ARHGEF7: variants seen among roughly 807,000 people sequenced by gnomAD.
ARHGEF7 encodes PAK-interacting exchange factor beta.
ARHGEF7 carries 33 observed loss-of-function variants against 109.8 expected under a neutral mutation model. That is an observed-to-expected ratio of 0.30 (90% confidence interval 0.23 to 0.40). The LOEUF is 0.40. Among genes scored for constraint, ARHGEF7 ranks in the 10% least tolerant of loss-of-function variants. The pLI is 1.00. For synonymous variants in ARHGEF7, 458 were observed against 424.6 expected (o/e 1.08, Z -0.97); for missense variants, 938 against 1,098.5 (o/e 0.85, Z 2.07).
chr13:111,302,268 G>T (rs922450095), intron 21 of ARHGEF7, among the ~76,000 whole-genome samples: 3 of 152,168 alleles, frequency 2.0e-5, no homozygotes, highest in Admixed American at 6.5e-5. Flanking sequence ...GCGAGGGAAG[G>T]TTGGGGTGTT....
chr13:111,223,520 A>G (rs1460706144), intron 5 of ARHGEF7, among the ~76,000 whole-genome samples: 1 of 152,230 alleles, frequency 6.6e-6, no homozygotes, highest in Non-Finnish European at 1.5e-5. Context: ...AATTGACCAG[A>G]TGGTCCAATT....
intron 8 of ARHGEF7, among the ~76,000 whole-genome samples, chr13:111,251,409 G>C (rs933772970): frequency 4.6e-5 from 7 of 152,170 alleles, no homozygotes; most frequent in Admixed American, 4.6e-4. Flanking sequence ...TGACTGTCAA[G>C]AGTAGTTGGA....
chr13:111,222,050 T>C (rs2153506370), intron 5 of ARHGEF7, among the ~76,000 whole-genome samples: 1 of 152,252 alleles, frequency 6.6e-6, no homozygotes, highest in African/African-American at 2.4e-5. Flanking sequence ...GCTGATTAGG[T>C]GGTGCCCAGC....
intron 8 of ARHGEF7, among the ~76,000 whole-genome samples, chr13:111,259,579 C>T (rs2153572540): frequency 6.6e-6 from 1 of 152,342 alleles, no homozygotes; most frequent in Middle Eastern, 3.4e-3. Context: ...GATACAGCTG[C>T]AGTGAGACCA....
chr13:111,201,695 G>A (rs2081228841), intron 2 of ARHGEF7, among the ~76,000 whole-genome samples: 1 of 152,098 alleles, frequency 6.6e-6, no homozygotes, highest in Non-Finnish European at 1.5e-5. Flanking sequence ...CCTTTCCCTG[G>A]TGAGGATGAG....
At chr13:111,295,142 A>C in intron 19 of ARHGEF7, 1 of 985,374 alleles carries the variant, frequency 1.0e-6, no homozygotes, top group South Asian at 4.7e-5. Flanking sequence ...TGTTTGTTTT[A>C]TATTAAAAAA....
chr13:111,243,793 G>T (rs745783765), intron 6 of ARHGEF7, 79 bp from the exon 7 acceptor site: 2 of 877,846 alleles, frequency 2.3e-6, no homozygotes, highest in South Asian at 1.7e-5. Context: ...CAATGGCGAT[G>T]AACTGTCCAA....
chr13:111,267,502 G>T (rs1367688614), intron 8 of ARHGEF7, 46 bp from the exon 9 acceptor site: 1 of 1,609,930 alleles, frequency 6.2e-7, no homozygotes, highest in African/African-American at 1.3e-5. Context: ...CAGTTGTCCT[G>T]TCTGTAAAAC....
chr13:111,281,777 T>C (rs1168664417), intron 15 of ARHGEF7, among the ~76,000 whole-genome samples: 1 of 152,198 alleles, frequency 6.6e-6, no homozygotes, highest in Non-Finnish European at 1.5e-5. Flanking sequence ...GGCCAGACCC[T>C]CCGTCTTAGT....
At position 111,205,331 on chromosome 13, in the gene ARHGEF7, A is replaced by G; in HGVS notation, c.295A>G (p.Lys99Glu). 5 of 1,602,008 alleles carry G rather than the reference A, an allele frequency of 3.1e-6. No individual in the cohort carries two copies. The highest frequency in any genetic ancestry group is 4.2e-6 in the Non-Finnish European group (5 of 1,177,332). The change falls in exon 3 of 22, where the codon AAG (lysine) becomes GAG (glutamate). Residue 99 changes from lysine (K) to glutamate (E), a missense_variant. Around this residue, in one of 4 missense-constraint regions of ARHGEF7, gnomAD observed 585 missense variants for 723.6 expected, o/e 0.81. Coordinates refer to ENST00000646102, the MANE Select transcript of ARHGEF7 (RefSeq NM_001354046.2). ...NDLYQGQNFN[K>E]VLSSLVTLNK... ...TTTGTATCAGGGGCAGAATTTTAACAAGGTCCTCAGTTCCTTAGTGACTCT... is the reference window on the plus strand; with the variant it reads ...TTTGTATCAGGGGCAGAATTTTAACGAGGTCCTCAGTTCCTTAGTGACTCT...
chr13:111,130,988 GC>G (rs1465315324), intron 1 of ARHGEF7, among the ~76,000 whole-genome samples: 4 of 152,242 alleles, frequency 2.6e-5, no homozygotes, highest in Admixed American at 2.6e-4. Context: ...GGAGAGACAG[GC>G]AGAGCCAGGC....
In ARHGEF7 at chr13:111,145,474, T is replaced by C. The variant is rs1295320151; in HGVS notation, c.166-8431T>C. 1.3e-5 allele frequency among the ~76,000 whole-genome samples: 2 copies of C among 151,464 alleles called. No individual in the cohort carries two copies. The highest frequency in any genetic ancestry group is 3.0e-5 in the Non-Finnish European group (2 of 67,736). On this transcript the variant is annotated intron_variant, in intron 1 of 21. Transcript: ENST00000646102. This position sits in a 1 kb window ranked among gnomAD's most constrained non-coding sequence, Gnocchi z 4.3. Reference sequence around the variant, plus strand: ...GGGTTTCTCCAGCCAGTGAGAGCTGTAGTTACAGGAGAGGCTGCCTGACAG... The same window carrying C: ...GGGTTTCTCCAGCCAGTGAGAGCTGCAGTTACAGGAGAGGCTGCCTGACAG...
chr13:111,174,766 G>T (rs2077960294), intron 2 of ARHGEF7, among the ~76,000 whole-genome samples: 1 of 152,166 alleles, frequency 6.6e-6, no homozygotes, highest in African/African-American at 2.4e-5. Context: ...CCATCTGTAC[G>T]CTGGGGGTCG....
At chr13:111,262,855 G>A (rs1221940299) in intron 8 of ARHGEF7, among the ~76,000 whole-genome samples, 1 of 152,224 alleles carries the variant, frequency 6.6e-6, no homozygotes, top group African/African-American at 2.4e-5. Context: ...CATCACACCT[G>A]TTAGATTATG....
intron 13 of ARHGEF7, 137 bp downstream of exon 13, chr13:111,277,810 C>T (rs565299982): frequency 3.4e-6 from 2 of 583,036 alleles, no homozygotes; most frequent in East Asian, 2.8e-5. Flanking sequence ...CAGATATGGA[C>T]GTACAGCTCC....
intron 8 of ARHGEF7, among the ~76,000 whole-genome samples, chr13:111,264,285 A>G (rs919035045): frequency 3.3e-5 from 5 of 152,256 alleles, no homozygotes; most frequent in African/African-American, 1.2e-4. Flanking sequence ...GCCTCTAGCC[A>G]CGTGGGGCTG....
intron 1 of ARHGEF7, among the ~76,000 whole-genome samples, chr13:111,133,726 T>G (rs2074908261): frequency 7.0e-6 from 1 of 143,368 alleles, no homozygotes; most frequent in Non-Finnish European, 1.5e-5. Flanking sequence ...GTTCCTGATT[T>G]CGTAGGACTG....
Position 111,294,479 on chromosome 13 carries a change from C to T in ARHGEF7, c.2311+2185C>T, listed in dbSNP as rs1452763422. On this transcript the variant is annotated intron_variant, in intron 19 of 21. Transcript: ENST00000646102. ...GATATTCTATACACCAAAGTTTTGACGGTTTACCATCATTCCATTTTGTAC... is the reference window on the plus strand; with the variant it reads ...GATATTCTATACACCAAAGTTTTGATGGTTTACCATCATTCCATTTTGTAC... 2.6e-5 allele frequency: 26 copies of T among 985,274 alleles called. 1 individual carries two copies. The highest frequency in any genetic ancestry group is 1.0e-3 in the Middle Eastern group (2 of 1,936). 61.0% of individuals were successfully genotyped at this position (985,274 alleles called of 1,614,324 possible).
intron 6 of ARHGEF7, among the ~76,000 whole-genome samples, chr13:111,234,704 C>A (rs896499339): frequency 3.9e-5 from 6 of 152,148 alleles, no homozygotes; most frequent in Non-Finnish European, 1.5e-5. Context: ...CCTTGGAAAC[C>A]CTTTTCTTTT....
Sources: allele counts gnomAD v4.1 joint callset (sites outside exome capture counted in the v4.1 genomes callset), GRCh38; gene constraint gnomAD v4.1.1; regional missense constraint gnomAD v4.1.1; non-coding constraint Gnocchi (gnomAD v3.1); transcripts MANE v1.5; gene names NCBI Gene and HGNC (gene_info 2026-07-23, HGNC 2026-07-21).